RANBP2: variants seen among roughly 807,000 people sequenced by gnomAD.
RANBP2 encodes the protein E3 SUMO-protein ligase RanBP2.
Under a neutral mutation model 303.6 loss-of-function variants are expected in RANBP2, and 57 were observed. The observed-to-expected ratio is 0.19, with a 90% CI of 0.15 to 0.23. The LOEUF (loss-of-function observed/expected upper bound fraction) is 0.23, where lower values mean the gene tolerates loss of function less well. Among genes scored for constraint, RANBP2 ranks in the 10% least tolerant of loss-of-function variants. RANBP2 has a pLI of 1.00. For synonymous variants in RANBP2, 1,167 were observed against 1,301.5 expected (o/e 0.90, Z 2.23); for missense variants, 3,138 against 3,780.8 (o/e 0.83, Z 4.46).
the RANBP2 span, among the ~76,000 whole-genome samples, chr2:108,937,193 G>T: frequency 2.5e-4 from 38 of 152,346 alleles, no homozygotes; most frequent in African/African-American, 8.7e-4. Flanking sequence ...TTTATAAGCA[G>T]CCACTCTTCT....
chr2:109,195,353 G>A, the RANBP2 span, among the ~76,000 whole-genome samples: 5 of 152,338 alleles, frequency 3.3e-5, no homozygotes, highest in South Asian at 8.3e-4. Flanking sequence ...CAAGGGGCAA[G>A]TGAGGAGCTG....
the RANBP2 span, among the ~76,000 whole-genome samples, chr2:109,236,352 G>A: frequency 8.5e-5 from 13 of 152,104 alleles, no homozygotes; most frequent in Non-Finnish European, 1.3e-4. Context: ...CAGAGTGTGC[G>A]AGCATCCCAG....
the RANBP2 span, among the ~76,000 whole-genome samples, chr2:109,444,187 A>G: frequency 6.6e-6 from 1 of 152,284 alleles, no homozygotes; most frequent in Non-Finnish European, 1.5e-5. Context: ...GGATATTATA[A>G]CGCATTTTGA....
chr2:109,323,340 T>C, the RANBP2 span, among the ~76,000 whole-genome samples: 6 of 152,200 alleles, frequency 3.9e-5, no homozygotes, highest in Non-Finnish European at 5.9e-5. Flanking sequence ...CTGAAGAAGA[T>C]ACCTGTATGA....
intron 4 of RANBP2, among the ~76,000 whole-genome samples, chr2:108,732,140 G>T (rs1020378450): frequency 2.6e-5 from 4 of 152,210 alleles, no homozygotes; most frequent in Admixed American, 2.6e-4. Flanking sequence ...AATTATAAAT[G>T]TATATTTGCC....
At chr2:109,625,087 C>CAAAAAAAAAA in the RANBP2 span, among the ~76,000 whole-genome samples, 36 of 59,842 alleles carry the variant, frequency 6.0e-4, no homozygotes, top group East Asian at 2.6e-3. Context: ...ACAACAACAA[C>CAAAAAAAAAA]AAAAAAAAAA....
At chr2:109,491,370 A>C in the RANBP2 span, among the ~76,000 whole-genome samples, 10 of 152,296 alleles carry the variant, frequency 6.6e-5, no homozygotes, top group African/African-American at 2.4e-4. Context: ...TCGGCGTCTT[A>C]GAATTGTGAT....
the RANBP2 span, among the ~76,000 whole-genome samples, chr2:109,465,316 G>T: frequency 6.6e-6 from 1 of 152,198 alleles, no homozygotes; most frequent in East Asian, 1.9e-4. Context: ...CATAAATTCG[G>T]ATAAATACCA....
At chr2:109,646,147 T>G in the RANBP2 span, among the ~76,000 whole-genome samples, 1 of 152,102 alleles carries the variant, frequency 6.6e-6, no homozygotes, top group African/African-American at 2.4e-5. Context: ...TGTTAGTTGA[T>G]TTTATTTCTG....
rs1445123032 is a variant in RANBP2 at position 108,764,039 on chromosome 2, A to T, written c.3500A>T (p.Asp1167Val). ...GGAAGTGCCCATGGGGATGATGATG[A>T]TGACGGTCCTCACTTTGAGCCTGTA... The part of the protein sequence containing the change: ...DGGSAHGDDD[D>V]DGPHFEPVVP... Residue 1167 changes from aspartate to valine, a missense_variant, in exon 20 of 29, where the codon GAT becomes GTT. Asp to Val is a radical substitution (Grantham distance 152). Coordinates refer to ENST00000283195, the MANE Select transcript of RANBP2 (RefSeq NM_006267.5). 3 of 1,613,920 alleles carry T rather than the reference A, an allele frequency of 1.9e-6. No homozygotes were observed. Among genetic ancestry groups the T allele is most frequent in the Non-Finnish European group, 2.5e-6 (3 of 1,179,928 alleles).
At chr2:109,374,795 T>G in the RANBP2 span, among the ~76,000 whole-genome samples, 1 of 152,342 alleles carries the variant, frequency 6.6e-6, no homozygotes, top group African/African-American at 2.4e-5. Flanking sequence ...ACAGCTGCCC[T>G]ATGGGGTTCA....
the RANBP2 span, among the ~76,000 whole-genome samples, chr2:109,074,383 T>A: frequency 6.7e-6 from 1 of 149,232 alleles, no homozygotes; most frequent in East Asian, 1.9e-4. Flanking sequence ...AAAAAGGCAA[T>A]ACTAAATCTT....
At chr2:109,223,409 T>TG in the RANBP2 span, among the ~76,000 whole-genome samples, 2 of 152,206 alleles carry the variant, frequency 1.3e-5, no homozygotes, top group African/African-American at 4.8e-5. Context: ...CTCGCTGTGA[T>TG]GGAGTTGCCG....
the RANBP2 span, among the ~76,000 whole-genome samples, chr2:108,872,333 C>G: frequency 6.6e-6 from 1 of 152,138 alleles, no homozygotes; most frequent in Admixed American, 6.5e-5. Context: ...ATTCTTAACT[C>G]GTTCCACCAC....
At chr2:109,307,873 G>T in the RANBP2 span, among the ~76,000 whole-genome samples, 1 of 127,560 alleles carries the variant, frequency 7.8e-6, no homozygotes, top group Non-Finnish European at 1.6e-5. Flanking sequence ...GAATAATGCC[G>T]CAGTAAACAT....
At position 108,768,260 on chromosome 2, in the gene RANBP2, C is replaced by G. The variant is rs1166840619; in HGVS notation, c.7721C>G (p.Pro2574Arg). 3.7e-6 allele frequency: 6 copies of G among 1,611,852 alleles called. No individual in the cohort carries two copies. The highest frequency in any genetic ancestry group is 4.2e-6 in the Non-Finnish European group (5 of 1,179,856). ...AQSGSESKVE[P>R]KKCELSKNSD... is the part of the protein sequence containing the mutation. Reference sequence around the variant, plus strand: ...AGTGGATCTGAAAGCAAAGTGGAACCTAAAAAATGTGAACTGTCAAAGAAC... The same window carrying G: ...AGTGGATCTGAAAGCAAAGTGGAACGTAAAAAATGTGAACTGTCAAAGAAC... Residue 2574 changes from proline (P) to arginine (R), a missense_variant, in exon 20 of 29, where the codon CCT (proline) becomes CGT (arginine). This residue lies in a region of RANBP2 where 497 missense variants were observed against 465.8 expected (regional missense o/e 1.07). Coordinates refer to ENST00000283195, the MANE Select transcript of RANBP2 (RefSeq NM_006267.5).
the RANBP2 span, among the ~76,000 whole-genome samples, chr2:109,072,906 A>G: frequency 6.6e-6 from 1 of 152,088 alleles, no homozygotes; most frequent in African/African-American, 2.4e-5. Context: ...TTTTGGACAA[A>G]CACACTGGTT....
the RANBP2 span, among the ~76,000 whole-genome samples, chr2:109,584,905 A>T: frequency 6.6e-6 from 1 of 152,330 alleles, no homozygotes; most frequent in East Asian, 1.9e-4. Flanking sequence ...CATTTTAATA[A>T]GGTGATTCAA....
the RANBP2 span, among the ~76,000 whole-genome samples, chr2:109,425,108 C>T: frequency 6.6e-6 from 1 of 152,292 alleles, no homozygotes; most frequent in Non-Finnish European, 1.5e-5. Flanking sequence ...GATAGAAGAT[C>T]AAACCAACTG....
Sources: gnomAD v4.1 joint callset for allele counts (sites outside exome capture counted in the v4.1 genomes callset) on GRCh38, gnomAD v4.1.1 for gene constraint, gnomAD v4.1.1 regional missense constraint, MANE v1.5 for transcripts, NCBI Gene and HGNC (gene_info 2026-07-23, HGNC 2026-07-21) for gene names.